Variants in CYLC2 observed in about 807,000 individuals in gnomAD.
CYLC2 encodes cylicin 2.
CYLC2 carries 30 observed loss-of-function variants against 26.1 expected under a neutral mutation model. That is an observed-to-expected ratio of 1.15 (90% CI 0.86 to 1.56). CYLC2 has a LOEUF of 1.56. Among genes scored for constraint, CYLC2 ranks in the 40% most tolerant of loss-of-function variants. The pLI is 0.00. For synonymous variants in CYLC2, 158 were observed against 132.8 expected (o/e 1.19, Z -1.31); for missense variants, 498 against 394.4 (o/e 1.26, Z -2.23).
At chr9:103,008,096 G>A (rs967025442) in intron 5 of CYLC2, among the ~76,000 whole-genome samples, 5 of 151,914 alleles carry the variant, frequency 3.3e-5, no homozygotes, top group Admixed American at 3.3e-4. Context: ...AAACTTTTCT[G>A]GAAATGTTAC....
At chr9:102,997,735 C>T (rs1379443578) in intron 1 of CYLC2, among the ~76,000 whole-genome samples, 1 of 151,904 alleles carries the variant, frequency 6.6e-6, no homozygotes, top group Non-Finnish European at 1.5e-5. Flanking sequence ...TTTGAATCCA[C>T]TATATATTTT....
At chr9:103,013,202 A>AAT in intron 6 of CYLC2, among the ~76,000 whole-genome samples, 1 of 30,956 alleles carries the variant, frequency 3.2e-5, no homozygotes, top group African/African-American at 1.0e-4. Flanking sequence ...ATAACATATT[A>AAT]ATGTTATATA....
At chr9:103,012,634 A>G (rs904776656) in intron 6 of CYLC2, among the ~76,000 whole-genome samples, 80 of 152,202 alleles carry the variant, frequency 5.3e-4, no homozygotes, top group African/African-American at 1.8e-3. Context: ...AGTATTGTGG[A>G]AAGTATCCAG....
intron 6 of CYLC2, among the ~76,000 whole-genome samples, 199 bp from the exon 7 acceptor site, chr9:103,016,689 A>T (rs1463988496): frequency 1.3e-5 from 2 of 152,044 alleles, no homozygotes; most frequent in African/African-American, 4.8e-5. Flanking sequence ...TTAAAATTTC[A>T]TATGGATTGA....
chr9:103,001,941 T>C (rs1422392849), intron 2 of CYLC2, among the ~76,000 whole-genome samples: 1 of 152,154 alleles, frequency 6.6e-6, no homozygotes, highest in Non-Finnish European at 1.5e-5. Flanking sequence ...ATGTCAGGAA[T>C]TTCTTCTACA....
intron 1 of CYLC2, among the ~76,000 whole-genome samples, chr9:102,997,746 TA>T (rs1829251894): frequency 6.6e-6 from 1 of 151,938 alleles, no homozygotes; most frequent in African/African-American, 2.4e-5. Flanking sequence ...TATATATTTT[TA>T]AAACACATCT....
At chr9:103,007,077 A>T (rs1414536038) in intron 5 of CYLC2, among the ~76,000 whole-genome samples, 1 of 152,118 alleles carries the variant, frequency 6.6e-6, no homozygotes, top group East Asian at 1.9e-4. Context: ...TAAACATCAA[A>T]CTAAAGGTTC....
Position 103,005,972 on chromosome 9 carries a change from G to A in CYLC2, c.*294G>A. ...ATGATCTCTAGAAAGATTTAAAGAAGAATATTCAGATAAGGATGTTGAAGA... is the reference window on the plus strand; with the variant it reads ...ATGATCTCTAGAAAGATTTAAAGAAAAATATTCAGATAAGGATGTTGAAGA... On this transcript the variant is annotated 3_prime_UTR_variant, in exon 5 of 8. Coordinates refer to ENST00000374798, the MANE Select transcript of CYLC2 (RefSeq NM_001340.5). 2.5e-5 allele frequency: 5 copies of A among 203,700 alleles called. No individual in the cohort carries two copies. Among genetic ancestry groups the A allele is most frequent in the Admixed American group, 1.3e-4 (2 of 15,748 alleles). 12.6% of individuals were successfully genotyped at this position (203,700 alleles called of 1,614,324 possible).
At chr9:102,996,838 T>C (rs1216947051) in intron 1 of CYLC2, among the ~76,000 whole-genome samples, 3 of 151,952 alleles carry the variant, frequency 2.0e-5, no homozygotes, top group Non-Finnish European at 4.4e-5. Context: ...AAACCTCAAC[T>C]ATACCATTTA....
chr9:103,015,151 G>A (rs1182185886), intron 6 of CYLC2, among the ~76,000 whole-genome samples: 1 of 4,536 alleles, frequency 2.2e-4, no homozygotes, highest in Non-Finnish European at 4.5e-4. Context: ...TGTATATCAC[G>A]TGATATACAT....
chr9:103,007,009 A>T (rs1021943862), intron 5 of CYLC2, among the ~76,000 whole-genome samples: 1 of 152,156 alleles, frequency 6.6e-6, no homozygotes, highest in South Asian at 2.1e-4. Context: ...GCTTCATAAC[A>T]TCATATTGTA....
intron 2 of CYLC2, 108 bp downstream of exon 2, chr9:103,001,726 A>G: frequency 1.5e-6 from 1 of 677,184 alleles, no homozygotes; most frequent in South Asian, 2.1e-5. Flanking sequence ...AATAAAATTG[A>G]TAATTAACTA....
At chr9:102,995,527 A>G (rs1320513297) in intron 1 of CYLC2, 130 bp downstream of exon 1, 2 of 684,020 alleles carry the variant, frequency 2.9e-6, no homozygotes, top group Non-Finnish European at 5.0e-6. Context: ...GTGTTTAAGC[A>G]GACAAAGATT....
chr9:103,015,293 TTA>T (rs925283829), intron 6 of CYLC2, among the ~76,000 whole-genome samples: 70 of 130,252 alleles, frequency 5.4e-4, no homozygotes, highest in South Asian at 1.6e-3. Context: ...TATAATATAA[TTA>T]TATGTTATAA....
rs201304746 is a variant in CYLC2 at position 103,006,017 on chromosome 9, GACACACACAC to G, written c.*385_*394del. 0.1 allele frequency: 12,186 copies of G among 119,880 alleles called. 690 individuals carry two copies. Among genetic ancestry groups the G allele is most frequent in the Admixed American group, 0.15 (1,628 of 10,986 alleles). The allele number at this position is 119,880 out of a possible 1,614,324, so 7.4% of individuals were successfully genotyped here. A position where few individuals can be genotyped will look rare whatever the true frequency, so the allele number is the denominator to read the frequency against. On this transcript the variant is annotated 3_prime_UTR_variant, in exon 5 of 8. Coordinates refer to ENST00000374798, the MANE Select transcript of CYLC2 (RefSeq NM_001340.5). ...TGAAGATAATGACACTAAATCTATG[GACACACACAC>G]ACACACACACACACACACACACACA...
At chr9:103,014,230 T>C (rs1013463220) in intron 6 of CYLC2, among the ~76,000 whole-genome samples, 1 of 125,516 alleles carries the variant, frequency 8.0e-6, no homozygotes, top group South Asian at 2.3e-4. Flanking sequence ...TAATATATAA[T>C]ATATATGTAT....
intron 6 of CYLC2, among the ~76,000 whole-genome samples, chr9:103,013,262 T>TTATA (rs533215794): frequency 9.1e-6 from 1 of 109,590 alleles, no homozygotes; most frequent in Non-Finnish European, 1.7e-5. Flanking sequence ...ATTTAATGTG[T>TTATA]TATATATATT....
Position 103,004,678 on chromosome 9 carries a change from T to A in CYLC2, c.181-17T>A. On this transcript the variant is annotated splice_polypyrimidine_tract_variant and intron_variant, in intron 3 of 7. Coordinates refer to ENST00000374798, the MANE Select transcript of CYLC2 (RefSeq NM_001340.5). ...TTCACTCACAAGTTGTTCATCATTA[T>A]TGTAACCATCTTTCAGATAATTGAT... The A allele has an allele frequency of 6.4e-7, 1 of 1,567,450 alleles. No individual in the cohort carries two copies. Among genetic ancestry groups the A allele is most frequent in the South Asian group, 1.2e-5 (1 of 85,392 alleles).
rs114082456 is a variant in CYLC2 at position 103,009,168 on chromosome 9, T to C, written c.*700+2790T>C. The stretch of plus-strand genomic sequence containing the variant: ...ACTGTTGACTCCTTCAAAATAGTCA[T>C]TCTCAGCTTACATTTTACATTTCCA... On this transcript the variant is annotated intron_variant, in intron 5 of 7. Transcript: ENST00000374798. Among the ~76,000 whole-genome samples the C allele has an allele frequency of 2.8e-3, 427 of 152,256 alleles. 1 individual carries two copies. Among genetic ancestry groups the C allele is most frequent in the African/African-American group, 9.7e-3 (405 of 41,566 alleles).
Sources: allele counts gnomAD v4.1 joint callset (sites outside exome capture counted in the v4.1 genomes callset), GRCh38; gene constraint gnomAD v4.1.1; transcripts MANE v1.5; gene names NCBI Gene and HGNC (gene_info 2026-07-23, HGNC 2026-07-21).